The following PTPRT variants were observed in gnomAD, a reference collection of about 807,000 sequenced individuals.
PTPRT encodes the protein receptor-type tyrosine-protein phosphatase T.
Under a neutral mutation model 176.8 loss-of-function variants are expected in PTPRT, and 56 were observed. The ratio of observed to expected loss-of-function variants is 0.32; its 90% CI spans 0.26 to 0.40. The LOEUF (loss-of-function observed/expected upper bound fraction) is 0.40, where lower values mean the gene tolerates loss of function less well. Ranked by LOEUF, PTPRT falls within the 10% of genes least tolerant of loss-of-function variation. PTPRT has a pLI of 1.00. For missense variants in PTPRT, 1,540 were observed against 1,908.2 expected (o/e 0.81, Z 3.60); for synonymous variants, 783 against 739.0 (o/e 1.06, Z -0.96).
At chr20:42,847,487 G>T (rs2078394581) in intron 2 of PTPRT, among the ~76,000 whole-genome samples, 1 of 152,182 alleles carries the variant, frequency 6.6e-6, no homozygotes, top group African/African-American at 2.4e-5. Flanking sequence ...TGGATTGAAA[G>T]GGTCGCGTGA....
chr20:43,133,882 C>T (rs1423340746), intron 1 of PTPRT, among the ~76,000 whole-genome samples: 1 of 152,094 alleles, frequency 6.6e-6, no homozygotes, highest in South Asian at 2.1e-4. Context: ...CTGGTGGGGG[C>T]CTGGGAACTG....
chr20:42,441,986 T>C (rs1167442278), intron 9 of PTPRT, among the ~76,000 whole-genome samples: 3 of 152,228 alleles, frequency 2.0e-5, no homozygotes, highest in Non-Finnish European at 4.4e-5. Context: ...CCTGCCCATC[T>C]GGAACACATC....
intron 1 of PTPRT, among the ~76,000 whole-genome samples, chr20:43,106,666 G>GAAAAAA (rs71193676): frequency 1.3e-4 from 11 of 87,002 alleles, no homozygotes; most frequent in South Asian, 5.2e-4. Context: ...CTCAAAAAAA[G>GAAAAAA]AAAAAAAAAA....
intron 1 of PTPRT, among the ~76,000 whole-genome samples, chr20:43,119,890 G>C (rs1462489911): frequency 6.6e-6 from 1 of 152,194 alleles, no homozygotes; most frequent in African/African-American, 2.4e-5. Flanking sequence ...AACCAGGCTT[G>C]AGTCTCCAGC....
chr20:42,103,202 A>T (rs2146245594), intron 25 of PTPRT, among the ~76,000 whole-genome samples: 1 of 152,276 alleles, frequency 6.6e-6, no homozygotes. Flanking sequence ...TTAGTGATTC[A>T]TGTCCAGGCT....
chr20:42,740,261 A>G (rs1052144318), intron 6 of PTPRT, among the ~76,000 whole-genome samples: 1 of 152,306 alleles, frequency 6.6e-6, no homozygotes, highest in Admixed American at 6.5e-5. Context: ...ATGACAAAGG[A>G]GACAAAGCCC....
intron 27 of PTPRT, among the ~76,000 whole-genome samples, chr20:42,097,087 A>C (rs998483216): frequency 6.6e-6 from 1 of 152,214 alleles, no homozygotes; most frequent in Non-Finnish European, 1.5e-5. Context: ...CATCATGAGC[A>C]GCTTTTGGTC....
chr20:42,543,828 A>T (rs1044214836), intron 7 of PTPRT, among the ~76,000 whole-genome samples: 8 of 152,138 alleles, frequency 5.3e-5, no homozygotes, highest in Non-Finnish European at 1.2e-4. Flanking sequence ...CTTTTTGTAC[A>T]TCTCCATTAG....
At chr20:42,504,812 C>T (rs992998798) in intron 7 of PTPRT, among the ~76,000 whole-genome samples, 1 of 152,144 alleles carries the variant, frequency 6.6e-6, no homozygotes, top group Non-Finnish European at 1.5e-5. Flanking sequence ...CCCTTTCCTT[C>T]CTTTCCAGCC....
intron 11 of PTPRT, among the ~76,000 whole-genome samples, chr20:42,325,745 G>A (rs998064275): frequency 5.9e-5 from 9 of 152,224 alleles, no homozygotes; most frequent in Middle Eastern, 3.4e-3. Flanking sequence ...ACTCCCCTCT[G>A]CTCAAAGCCC....
At chr20:42,934,223 C>T (rs554419358) in intron 1 of PTPRT, among the ~76,000 whole-genome samples, 2 of 152,204 alleles carry the variant, frequency 1.3e-5, no homozygotes, top group African/African-American at 2.4e-5. Context: ...CCATGAATGC[C>T]TCAAACGAGA....
At chr20:42,328,796 A>G (rs2057922368) in intron 11 of PTPRT, among the ~76,000 whole-genome samples, 1 of 152,220 alleles carries the variant, frequency 6.6e-6, no homozygotes, top group Admixed American at 6.5e-5. Context: ...GGAAAGCTCT[A>G]CCCAAAGCAA....
chr20:42,497,296 T>A (rs989077460), intron 7 of PTPRT, among the ~76,000 whole-genome samples: 4 of 152,162 alleles, frequency 2.6e-5, no homozygotes, highest in Non-Finnish European at 4.4e-5. Flanking sequence ...ATGTCTTTTA[T>A]GGCATTTTTC....
chr20:42,119,013 G>GAAAAAAAAAAAA (rs11415242), intron 20 of PTPRT, among the ~76,000 whole-genome samples: 1 of 29,214 alleles, frequency 3.4e-5, no homozygotes, highest in Non-Finnish European at 6.0e-5. Flanking sequence ...AGAAAGGAAG[G>GAAAAAAAAAAAA]AAAAAAAAAA....
At chr20:42,950,387 A>G (rs185469768) in intron 1 of PTPRT, among the ~76,000 whole-genome samples, 284 of 152,306 alleles carry the variant, frequency 1.9e-3, no homozygotes, top group Non-Finnish European at 3.2e-3. Flanking sequence ...TGAGCATCTC[A>G]ACTTTCATTT....
chr20:42,635,557 T>A (rs1442400859), intron 7 of PTPRT, among the ~76,000 whole-genome samples: 1 of 152,156 alleles, frequency 6.6e-6, no homozygotes, highest in East Asian at 1.9e-4. Context: ...AAAATTGTTA[T>A]TATTTTTGTT....
At chr20:42,785,083 A>C (rs1314293478) in intron 3 of PTPRT, among the ~76,000 whole-genome samples, 1 of 152,184 alleles carries the variant, frequency 6.6e-6, no homozygotes, top group Non-Finnish European at 1.5e-5. Flanking sequence ...GTCTTTCTAT[A>C]ACACATGCAT....
intron 7 of PTPRT, among the ~76,000 whole-genome samples, chr20:42,657,924 C>CTTT (rs3092107): frequency 3.9e-4 from 55 of 141,592 alleles, no homozygotes; most frequent in African/African-American, 1.4e-3. Flanking sequence ...TGAGGTTTAC[C>CTTT]TTTTTTTTTT....
chr20:42,235,995 A>G (rs2056233888), intron 15 of PTPRT, among the ~76,000 whole-genome samples: 1 of 152,210 alleles, frequency 6.6e-6, no homozygotes, highest in Non-Finnish European at 1.5e-5. Context: ...AGCCCTTCAC[A>G]TCTCTAAAAA....
Sources: allele counts gnomAD v4.1 joint callset (sites outside exome capture counted in the v4.1 genomes callset), GRCh38; gene constraint gnomAD v4.1.1; transcripts MANE v1.5; gene names NCBI Gene and HGNC (gene_info 2026-07-23, HGNC 2026-07-21).